LRRC4B: variants seen among roughly 807,000 people sequenced by gnomAD.
LRRC4B encodes the protein leucine rich repeat containing 4B.
A neutral mutation model predicts 7.3 loss-of-function variants in LRRC4B; 1 was observed. The observed-to-expected ratio is 0.14, with a 90% CI of 0.05 to 0.65. LRRC4B has a LOEUF of 0.65. Ranked by LOEUF, LRRC4B falls within the 30% of genes least tolerant of loss-of-function variation. The pLI is 0.84. For missense variants in LRRC4B, 730 were observed against 1,041.6 expected (o/e 0.70, Z 4.12); for synonymous variants, 500 against 499.2 (o/e 1.00, Z -0.02).
chr19:50,522,099 G>T (rs1169814260), intron 2 of LRRC4B, among the ~76,000 whole-genome samples: 1 of 152,114 alleles, frequency 6.6e-6, no homozygotes, highest in African/African-American at 2.4e-5. Context: ...GATCGCCTGA[G>T]CCCAGGAGGC....
rs1401417731 is a variant in LRRC4B, at chr19:50,555,298, TC to T, written c.-35-6426del. 1.3e-5 allele frequency: 2 copies of T among 152,790 alleles called. No homozygotes were observed. The highest frequency in any genetic ancestry group is 3.9e-4 in the East Asian group (2 of 5,190). 9.5% of individuals were successfully genotyped at this position (152,790 alleles called of 1,614,324 possible). ...AGCACAGCCGGCATTGGAACCCCAG[TC>T]CCAGAACTTAGCCAGGTCACCACGG... On this transcript the variant is annotated intron_variant, in intron 1 of 2. Transcript: ENST00000652263. The surrounding 1 kb of genome is among the most constrained non-coding windows in gnomAD (Gnocchi z 5.2).
chr19:50,544,277 C>T (rs1231721974), intron 2 of LRRC4B, among the ~76,000 whole-genome samples: 6 of 151,678 alleles, frequency 4.0e-5, no homozygotes, highest in South Asian at 4.1e-4. Context: ...GAGGCCGAGG[C>T]GGGCAGATCA....
intron 1 of LRRC4B, among the ~76,000 whole-genome samples, chr19:50,552,611 T>TCCGC: frequency 1.7e-5 from 2 of 118,850 alleles, no homozygotes; most frequent in African/African-American, 3.0e-5. Context: ...CATCCATCCA[T>TCCGC]CCATCCATCC....
chr19:50,554,729 C>G (rs914090247), intron 1 of LRRC4B, among the ~76,000 whole-genome samples: 1 of 152,238 alleles, frequency 6.6e-6, no homozygotes, highest in South Asian at 2.1e-4. Flanking sequence ...GCATTAGCCA[C>G]CGCAGTTCAC....
intron 2 of LRRC4B, among the ~76,000 whole-genome samples, chr19:50,520,430 G>A (rs547640465): frequency 1.3e-5 from 2 of 151,146 alleles, no homozygotes; most frequent in Admixed American, 1.3e-4. Context: ...AGGAGTTCGA[G>A]ACCAGCCTGG....
chr19:50,523,263 G>A (rs1235751943), intron 2 of LRRC4B, among the ~76,000 whole-genome samples: 2 of 151,632 alleles, frequency 1.3e-5, no homozygotes, highest in East Asian at 1.9e-4. Flanking sequence ...AGAAGGGGAC[G>A]GACACTGGGG....
chr19:50,545,721 C>CTT (rs532216155), intron 2 of LRRC4B, among the ~76,000 whole-genome samples: 5 of 131,968 alleles, frequency 3.8e-5, no homozygotes, highest in East Asian at 2.4e-4. Flanking sequence ...AGAGTTATTA[C>CTT]TTTTTTTTTT....
intron 1 of LRRC4B, among the ~76,000 whole-genome samples, chr19:50,561,974 G>A (rs924532830): frequency 9.0e-6 from 1 of 111,338 alleles, no homozygotes; most frequent in African/African-American, 2.8e-5. Flanking sequence ...AATAAGCCAG[G>A]TGTAGTAGTG....
At chr19:50,534,226 A>G (rs1390862281) in intron 2 of LRRC4B, among the ~76,000 whole-genome samples, 1 of 152,178 alleles carries the variant, frequency 6.6e-6, no homozygotes, top group African/African-American at 2.4e-5. Flanking sequence ...GCAAAGGTGT[A>G]CACAGATCGT....
rs2122764345 is a variant in LRRC4B at position 50,519,634 on chromosome 19, T to C, written c.298-219A>G. On this transcript the variant is annotated intron_variant, in intron 2 of 2. Transcript: ENST00000652263. This position sits in a 1 kb window ranked among gnomAD's most constrained non-coding sequence, Gnocchi z 8.1. ...GCTCACGCCTGTAATCTCAGCACTT[T>C]GGGAGGCCGAGGCAGGTGGATCACT... Among the ~76,000 whole-genome samples, 1 of 152,262 alleles carries C rather than the reference T, an allele frequency of 6.6e-6. No homozygotes were observed. The highest frequency in any genetic ancestry group is 3.4e-3 in the Middle Eastern group (1 of 294).
intron 2 of LRRC4B, among the ~76,000 whole-genome samples, chr19:50,544,040 T>C (rs1216159830): frequency 1.3e-5 from 2 of 150,828 alleles, no homozygotes; most frequent in Non-Finnish European, 2.9e-5. Flanking sequence ...ACCCCGTTTC[T>C]ACTAAAAATA....
rs1982257251 is a variant in LRRC4B, at chr19:50,555,855, A to AC, written c.-35-6983_-35-6982insG. The AC allele has an allele frequency of 1.3e-5, 2 of 152,434 alleles. No individual in the cohort carries two copies. The highest frequency in any genetic ancestry group is 4.1e-4 in the South Asian group (2 of 4,828). The allele number at this position is 152,434 out of a possible 1,614,324, so 9.4% of individuals were successfully genotyped here. ...CATTGCAGCAAGAGGCCTGGAGGTT[A>AC]GAGCTAGAGAAGAACTTCCCCACTG... On this transcript the variant is annotated intron_variant, in intron 1 of 2. Coordinates refer to ENST00000652263, the MANE Select transcript of LRRC4B (RefSeq NM_001080457.2). This position sits in a 1 kb window ranked among gnomAD's most constrained non-coding sequence, Gnocchi z 5.2.
intron 1 of LRRC4B, chr19:50,557,726 G>C (rs1158335730): frequency 1.3e-5 from 2 of 152,222 alleles, no homozygotes; most frequent in Non-Finnish European, 2.9e-5. Context: ...ACCCAGGAAG[G>C]GCTGAGGTGA....
In LRRC4B at chr19:50,518,371, A is replaced by T; in HGVS notation, c.1342T>A (p.Ser448Thr). 1 of 1,597,444 alleles carries T rather than the reference A, an allele frequency of 6.3e-7. No individual in the cohort carries two copies. Among genetic ancestry groups the T allele is most frequent in the Non-Finnish European group, 8.5e-7 (1 of 1,173,606 alleles). The change falls in exon 3 of 3, where the codon TCG becomes ACG. Residue 448 changes from serine (S) to threonine (T), a missense_variant. Ser to Thr is a moderately conservative substitution (Grantham distance 58). Around this residue, in one of 6 missense-constraint regions of LRRC4B, gnomAD observed 192 missense variants for 228.6 expected, o/e 0.84. Transcript: ENST00000652263. ...VTNSAGNTTASATLNVSAVDP... is the reference protein window; with the variant it reads ...VTNSAGNTTATATLNVSAVDP... ...ACGGCCGAGACGTTGAGCGTGGCCG[A>T]GGCGGTGGTGTTGCCGGCTGAGTTC...
chr19:50,529,765 G>A (rs1009589152), intron 2 of LRRC4B, among the ~76,000 whole-genome samples: 8 of 152,080 alleles, frequency 5.3e-5, no homozygotes, highest in East Asian at 1.9e-4. Context: ...CTGCCACTGC[G>A]CTCCAGCCTG....
In LRRC4B at chr19:50,556,253, G is replaced by A. The variant is rs1982271100; in HGVS notation, c.-35-7380C>T. Among the ~76,000 whole-genome samples the A allele has an allele frequency of 1.3e-5, 2 of 151,760 alleles. No individual in the cohort carries two copies. Among genetic ancestry groups the A allele is most frequent in the South Asian group, 2.1e-4 (1 of 4,800 alleles). Reference sequence around the variant, plus strand: ...CCAACAGGCGGCCCGTGCAGTGGGGGTGCAGTCGGGGTGGGGGTGAGGTGC... The same window carrying A: ...CCAACAGGCGGCCCGTGCAGTGGGGATGCAGTCGGGGTGGGGGTGAGGTGC... On this transcript the variant is annotated intron_variant, in intron 1 of 2. Coordinates refer to ENST00000652263, the MANE Select transcript of LRRC4B (RefSeq NM_001080457.2). This position sits in a 1 kb window ranked among gnomAD's most constrained non-coding sequence, Gnocchi z 4.2.
chr19:50,529,015 T>C (rs971360350), intron 2 of LRRC4B, among the ~76,000 whole-genome samples: 4 of 152,038 alleles, frequency 2.6e-5, no homozygotes, highest in African/African-American at 9.7e-5. Flanking sequence ...CTTGAGAATG[T>C]CTCTGGCCTG....
intron 1 of LRRC4B, among the ~76,000 whole-genome samples, chr19:50,552,590 GTCCATCCATCCATCCA>G (rs71182735): frequency 9.1e-6 from 1 of 110,378 alleles, no homozygotes; most frequent in Non-Finnish European, 1.9e-5. Context: ...CCATCCATCT[GTCCATCCATCCATCCA>G]TCCATCCATC....
At chr19:50,531,209 G>C (rs972370806) in intron 2 of LRRC4B, among the ~76,000 whole-genome samples, 3 of 152,174 alleles carry the variant, frequency 2.0e-5, no homozygotes, top group African/African-American at 7.2e-5. Context: ...TGACTCCCCC[G>C]GCAGCCCTGG....
Sources: gnomAD v4.1 joint callset for allele counts (sites outside exome capture counted in the v4.1 genomes callset) on GRCh38, gnomAD v4.1.1 for gene constraint, gnomAD v4.1.1 regional missense constraint, Gnocchi (gnomAD v3.1) non-coding constraint, MANE v1.5 for transcripts, NCBI Gene and HGNC (gene_info 2026-07-23, HGNC 2026-07-21) for gene names.